The following FDFT1 variants were observed in gnomAD, a reference collection of about 807,000 sequenced individuals.
The protein encoded by FDFT1 is squalene synthase.
In FDFT1, 68 loss-of-function variants were observed where a neutral mutation model predicts 46.8. The observed-to-expected ratio is 1.45, with a 90% CI of 1.19 to 1.78. The LOEUF (loss-of-function observed/expected upper bound fraction) is 1.78, where lower values mean the gene tolerates loss of function less well. FDFT1 is among the 40% of genes most tolerant of loss of function. The probability of loss-of-function intolerance (pLI) is 0.00; values close to 1 mark genes in which losing one functional copy is unlikely to be tolerated. For synonymous variants in FDFT1, 351 were observed against 185.1 expected (o/e 1.90, Z -7.28); for missense variants, 928 against 524.4 (o/e 1.77, Z -7.52).
chr8:11,801,186 A>C (rs937467448), upstream of FDFT1, among the ~76,000 whole-genome samples: 7 of 152,200 alleles, frequency 4.6e-5, no homozygotes, highest in African/African-American at 1.4e-4. Context: ...GGGCCAGAGA[A>C]AGCAAAAGCA....
intron 4 of FDFT1, among the ~76,000 whole-genome samples, chr8:11,823,664 C>T (rs998921235): frequency 6.6e-6 from 1 of 152,106 alleles, no homozygotes; most frequent in Non-Finnish European, 1.5e-5. Flanking sequence ...ACCTTCTGGG[C>T]TCAAGCAATC....
Position 11,839,069 on chromosome 8 carries a change from G to C in FDFT1, c.*460G>C, listed in dbSNP as rs1043324525. On this transcript the variant is annotated 3_prime_UTR_variant, in exon 8 of 8. Coordinates refer to ENST00000220584, the MANE Select transcript of FDFT1 (RefSeq NM_004462.5). ...TTCTTTAATTGGGTTGAATGGAGTA[G>C]ATAGAAATATTTATGGTTTAGGTAA... 3 of 163,182 alleles carry C rather than the reference G, an allele frequency of 1.8e-5. No homozygotes were observed. The highest frequency in any genetic ancestry group is 1.5e-4 in the South Asian group (1 of 6,462). The allele number at this position is 163,182 out of a possible 1,614,324, so 10.1% of individuals were successfully genotyped here.
At chr8:11,824,624 G>C (rs984443663) in intron 4 of FDFT1, among the ~76,000 whole-genome samples, 1 of 151,788 alleles carries the variant, frequency 6.6e-6, no homozygotes, top group Non-Finnish European at 1.5e-5. Flanking sequence ...GGGCAATGTT[G>C]GGCAAGTTAA....
At chr8:11,822,189 C>G (rs1809347184) in intron 4 of FDFT1, among the ~76,000 whole-genome samples, 1 of 152,156 alleles carries the variant, frequency 6.6e-6, no homozygotes, top group South Asian at 2.1e-4. Context: ...GGAGTCTTGC[C>G]TATTTTTCAT....
intron 1 of FDFT1, among the ~76,000 whole-genome samples, chr8:11,807,195 G>GT (rs1021190320): frequency 6.6e-6 from 1 of 152,074 alleles, no homozygotes; most frequent in African/African-American, 2.4e-5. Flanking sequence ...ACTCTGCAGT[G>GT]TACAATATCA....
Position 11,830,310 on chromosome 8 carries a change from C to A in FDFT1, c.769C>A (p.Gln257Lys). ...GCCGGAGAATATTGACTTGGCCGTGCAGTGCCTGAATGAACTTATAACCAA... is the reference window on the plus strand; with the variant it reads ...GCCGGAGAATATTGACTTGGCCGTGAAGTGCCTGAATGAACTTATAACCAA... The part of the protein sequence containing the change: ...AKPENIDLAV[Q>K]CLNELITNAL... The change falls in exon 6 of 8, where the codon CAG (glutamine) becomes AAG (lysine). Residue 257 changes from glutamine to lysine, a missense_variant. Transcript: ENST00000220584. The A allele has an allele frequency of 6.2e-7, 1 of 1,613,688 alleles. No homozygotes were observed. The highest frequency in any genetic ancestry group is 8.5e-7 in the Non-Finnish European group (1 of 1,179,586).
At chr8:11,832,573 AAAAG>A (rs1403980523) in intron 7 of FDFT1, among the ~76,000 whole-genome samples, 8 of 148,980 alleles carry the variant, frequency 5.4e-5, no homozygotes, top group South Asian at 2.1e-4. Context: ...AAAAAAAAAA[AAAAG>A]TCTTAGAGAC....
chr8:11,808,870 A>C lies in FDFT1; in HGVS notation c.176A>C (p.Gln59Pro). The C allele has an allele frequency of 1.9e-6, 3 of 1,613,946 alleles. No individual in the cohort carries two copies. The highest frequency in any genetic ancestry group is 2.5e-6 in the Non-Finnish European group (3 of 1,179,952). ...QTSRSFAAVIQALDGEMRNAV... is the reference protein window; with the variant it reads ...QTSRSFAAVIPALDGEMRNAV... ...AGTCGCAGTTTCGCAGCTGTTATCC[A>C]GGCGCTGGATGGGGAAATGCGGTGA... Residue 59 changes from glutamine (Q) to proline (P), a missense_variant, in exon 2 of 8, where the codon CAG becomes CCG. Gln to Pro is a moderately conservative substitution (Grantham distance 76). Coordinates refer to ENST00000220584, the MANE Select transcript of FDFT1 (RefSeq NM_004462.5).
chr8:11,799,892 A>G (rs11250167), upstream of FDFT1, among the ~76,000 whole-genome samples: 83,914 of 148,652 alleles, frequency 0.56, 23,881 homozygotes, highest in Middle Eastern at 0.66. Context: ...GTTGCAGTGA[A>G]CCAAGATCGC....
chr8:11,805,675 G>C (rs139373294), intron 1 of FDFT1, among the ~76,000 whole-genome samples: 2 of 152,328 alleles, frequency 1.3e-5, no homozygotes, highest in East Asian at 3.9e-4. Flanking sequence ...GTTTGGCTCA[G>C]AATCACTTGG....
chr8:11,826,065 C>A lies in FDFT1; in HGVS notation c.552C>A (p.Ser184=). 6.2e-7 allele frequency: 1 copy of A among 1,604,414 alleles called. No individual in the cohort carries two copies. Among genetic ancestry groups the A allele is most frequent in the South Asian group, 1.1e-5 (1 of 90,440 alleles). The part of the protein sequence containing the change: ...YVAGLVGIGL[S]RLFSASEFED... ...CTGGGCTGGTCGGAATTGGCCTTTCCCGTCTTTTCTCAGCCTCAGAGTTTG... is the reference window on the plus strand; with the variant it reads ...CTGGGCTGGTCGGAATTGGCCTTTCACGTCTTTTCTCAGCCTCAGAGTTTG... Residue 184 remains serine (S), a synonymous_variant, in exon 5 of 8, where the codon TCC becomes TCA. Coordinates refer to ENST00000220584, the MANE Select transcript of FDFT1 (RefSeq NM_004462.5).
At chr8:11,802,643 G>A, upstream of FDFT1, 2 of 596,668 alleles carry the variant, frequency 3.4e-6, no homozygotes, top group Non-Finnish European at 6.0e-6. Flanking sequence ...CCACGAGGCC[G>A]CAGCTAGCCC....
chr8:11,827,899 A>C (rs200395418), intron 5 of FDFT1, among the ~76,000 whole-genome samples: 124 of 145,222 alleles, frequency 8.5e-4, no homozygotes, highest in East Asian at 7.4e-3. Context: ...ACAAAACAAA[A>C]CAAAAAAAAC....
chr8:11,825,539 C>T (rs1211803548), intron 4 of FDFT1, among the ~76,000 whole-genome samples: 2 of 94,794 alleles, frequency 2.1e-5, no homozygotes, highest in African/African-American at 7.6e-5. Context: ...GACTTGATCT[C>T]AAAAAAAAAA....
intron 4 of FDFT1, 104 bp from the exon 5 acceptor site, chr8:11,825,920 A>T: frequency 1.6e-6 from 1 of 611,836 alleles, no homozygotes; most frequent in Non-Finnish European, 2.6e-6. Context: ...ATGCATTCTT[A>T]CCCATTCTCT....
chr8:11,816,526 T>C (rs535534531), intron 3 of FDFT1, among the ~76,000 whole-genome samples: 21 of 152,346 alleles, frequency 1.4e-4, no homozygotes, highest in African/African-American at 4.3e-4. Flanking sequence ...CATTTGTTTA[T>C]GGCCTCTTTT....
chr8:11,825,929 CT>C (rs1563329312), intron 4 of FDFT1, 94 bp from the exon 5 acceptor site: 1 of 771,632 alleles, frequency 1.3e-6, no homozygotes, highest in African/African-American at 1.7e-5. Context: ...TACCCATTCT[CT>C]TTTGAACCTG....
At chr8:11,803,845 C>G (rs1806459906) in intron 1 of FDFT1, 1 of 155,846 alleles carries the variant, frequency 6.4e-6, no homozygotes, top group Non-Finnish European at 1.4e-5. Flanking sequence ...AGACTACACC[C>G]TCATTTGGTG....
chr8:11,803,028 G>A, intron 1 of FDFT1, 97 bp downstream of exon 1: 1 of 1,501,094 alleles, frequency 6.7e-7, no homozygotes, highest in South Asian at 1.3e-5. Flanking sequence ...GGCAAGGGGC[G>A]CGGCGAGCAG....
Sources: allele counts gnomAD v4.1 joint callset (sites outside exome capture counted in the v4.1 genomes callset), GRCh38; gene constraint gnomAD v4.1.1; transcripts MANE v1.5; gene names NCBI Gene and HGNC (gene_info 2026-07-23, HGNC 2026-07-21).